The following STK39 variants were observed in gnomAD, a reference collection of about 807,000 sequenced individuals.
STK39 encodes STE20/SPS1-related proline-alanine-rich protein kinase.
STK39 carries 20 observed loss-of-function variants against 77.8 expected under a neutral mutation model. That is an observed-to-expected ratio of 0.26 (90% CI 0.18 to 0.37). The LOEUF (loss-of-function observed/expected upper bound fraction) is 0.37, where lower values mean the gene tolerates loss of function less well. Among genes scored for constraint, STK39 ranks in the 10% least tolerant of loss-of-function variants. STK39 has a pLI of 1.00. For synonymous variants in STK39, 246 were observed against 234.1 expected, an observed-to-expected ratio of 1.05 and a Z score of -0.47; for missense variants, 479 against 656.5, an observed-to-expected ratio of 0.73 and a Z score of 2.95.
At chr2:167,971,409 T>A (rs1396655474) in intron 16 of STK39, among the ~76,000 whole-genome samples, 2 of 152,208 alleles carry the variant, frequency 1.3e-5, no homozygotes, top group Non-Finnish European at 2.9e-5. Flanking sequence ...TTTTAAAATT[T>A]TGTGGGGATT....
At chr2:167,995,790 G>A (rs1191120737) in intron 16 of STK39, among the ~76,000 whole-genome samples, 1 of 152,176 alleles carries the variant, frequency 6.6e-6, no homozygotes, top group African/African-American at 2.4e-5. Context: ...CAATGAACAG[G>A]TGTCTCTTAC....
chr2:168,050,004 A>G (rs1685353138), intron 14 of STK39, among the ~76,000 whole-genome samples: 1 of 152,246 alleles, frequency 6.6e-6, no homozygotes, highest in Admixed American at 6.5e-5. Flanking sequence ...ATTACCTTGT[A>G]CTTTTAAGTA....
chr2:168,140,170 C>T (rs139450565), intron 7 of STK39, 119 bp downstream of exon 7: 41 of 837,864 alleles, frequency 4.9e-5, no homozygotes, highest in African/African-American at 4.5e-4. Flanking sequence ...AACTTGGCTG[C>T]GTTCCTCCAT....
At chr2:168,047,082 TA>T (rs1427492104) in intron 14 of STK39, among the ~76,000 whole-genome samples, 1 of 152,220 alleles carries the variant, frequency 6.6e-6, no homozygotes, top group Non-Finnish European at 1.5e-5. Flanking sequence ...TTAGCCCTGA[TA>T]TTTTTTAAGT....
chr2:167,956,537 C>G (rs1691768588), intron 17 of STK39, among the ~76,000 whole-genome samples: 1 of 148,988 alleles, frequency 6.7e-6, no homozygotes, highest in Non-Finnish European at 1.5e-5. Context: ...GCACTCCAGC[C>G]TGGCGACAGA....
At chr2:168,131,829 T>C (rs890802931) in intron 8 of STK39, among the ~76,000 whole-genome samples, 2 of 152,238 alleles carry the variant, frequency 1.3e-5, no homozygotes, top group African/African-American at 4.8e-5. Context: ...TGTATACTCT[T>C]CCTGATCACC....
At chr2:168,105,152 C>T (rs1686937133) in intron 10 of STK39, among the ~76,000 whole-genome samples, 1 of 152,164 alleles carries the variant, frequency 6.6e-6, no homozygotes, top group Non-Finnish European at 1.5e-5. Context: ...AGTGGTTAGG[C>T]AGGTTGAATT....
intron 14 of STK39, among the ~76,000 whole-genome samples, chr2:168,045,428 A>C (rs780740185): frequency 9.2e-5 from 14 of 152,182 alleles, no homozygotes; most frequent in Non-Finnish European, 1.6e-4. Context: ...TATTTGAAAA[A>C]TGACACCATT....
chr2:168,039,853 A>G (rs1240687363), intron 14 of STK39, among the ~76,000 whole-genome samples: 1 of 152,248 alleles, frequency 6.6e-6, no homozygotes, highest in Non-Finnish European at 1.5e-5. Context: ...AGGCTAAAAG[A>G]AAGGTAAGAA....
chr2:168,127,622 C>T (rs1186902115), intron 10 of STK39, among the ~76,000 whole-genome samples: 4 of 152,088 alleles, frequency 2.6e-5, no homozygotes, highest in African/African-American at 9.7e-5. Context: ...GCCATAAATT[C>T]GAGGCTAAGG....
chr2:168,219,871 T>C (rs1032668249), intron 1 of STK39, among the ~76,000 whole-genome samples: 3 of 88,202 alleles, frequency 3.4e-5, no homozygotes, highest in African/African-American at 8.5e-5. Flanking sequence ...TTTTCTTGCT[T>C]TTTTTTTTTT....
intron 16 of STK39, among the ~76,000 whole-genome samples, chr2:167,990,598 T>C (rs933913457): frequency 2.0e-5 from 3 of 152,242 alleles, no homozygotes; most frequent in Non-Finnish European, 4.4e-5. Flanking sequence ...ATGCCCATCC[T>C]GCTTAATCTA....
intron 1 of STK39, among the ~76,000 whole-genome samples, chr2:168,242,247 G>A (rs1690775911): frequency 6.6e-6 from 1 of 151,842 alleles, no homozygotes; most frequent in Non-Finnish European, 1.5e-5. Flanking sequence ...TTTTTGTTGT[G>A]TATATTTTAC....
At chr2:168,133,971 A>G (rs1226872434) in intron 8 of STK39, among the ~76,000 whole-genome samples, 2 of 152,072 alleles carry the variant, frequency 1.3e-5, no homozygotes, top group African/African-American at 4.8e-5. Context: ...TCATTTATCT[A>G]TTTTTATTTT....
chr2:168,156,404 C>T (rs1233073217), intron 5 of STK39, among the ~76,000 whole-genome samples: 1 of 101,132 alleles, frequency 9.9e-6, no homozygotes, highest in East Asian at 2.8e-4. Flanking sequence ...AAACTTTATG[C>T]AAGAGGAAGA....
At chr2:167,956,718 TCTCTC>T (rs1468941120) in intron 17 of STK39, among the ~76,000 whole-genome samples, 60 of 55,962 alleles carry the variant, frequency 1.1e-3, no homozygotes, top group African/African-American at 2.3e-3. Flanking sequence ...TCTCTCTCTC[TCTCTC>T]TCTCTCCCCC....
At chr2:168,066,794 AG>A in intron 12 of STK39, among the ~76,000 whole-genome samples, 1 of 152,356 alleles carries the variant, frequency 6.6e-6, no homozygotes, top group East Asian at 1.9e-4. Context: ...GAATACAACG[AG>A]GGGACCACAG....
At position 167,975,826 on chromosome 2, in the gene STK39, C is replaced by T. The variant is rs151199124; in HGVS notation, c.1499-11100G>A. Among the ~76,000 whole-genome samples, 482 of 152,200 alleles carry T rather than the reference C, an allele frequency of 3.2e-3. 4 individuals are homozygous for T. The highest frequency in any genetic ancestry group is 0.01 in the African/African-American group (429 of 41,534). ...TTCTTCTTTGGGAATTCTCCATGAC[C>T]GCAGAAAGCCGGCTTAGCCAAGGTC... On this transcript the variant is annotated intron_variant, in intron 16 of 17. Coordinates refer to ENST00000355999, the MANE Select transcript of STK39 (RefSeq NM_013233.3).
intron 14 of STK39, among the ~76,000 whole-genome samples, chr2:168,033,632 G>A (rs1029466567): frequency 6.6e-6 from 1 of 152,182 alleles, no homozygotes. Context: ...GAACAGAGAA[G>A]GCAGGGGAGC....
Sources: gnomAD v4.1 joint callset for allele counts (sites outside exome capture counted in the v4.1 genomes callset) on GRCh38, gnomAD v4.1.1 for gene constraint, MANE v1.5 for transcripts, NCBI Gene and HGNC (gene_info 2026-07-23, HGNC 2026-07-21) for gene names.